Variants in ZFHX3 observed in about 807,000 individuals in gnomAD.
The protein encoded by ZFHX3 is zinc finger homeobox protein 3.
ZFHX3 carries 42 observed loss-of-function variants against 279.1 expected under a neutral mutation model. The ratio of observed to expected loss-of-function variants is 0.15; its 90% CI spans 0.12 to 0.19. The LOEUF (loss-of-function observed/expected upper bound fraction) is 0.19, where lower values mean the gene tolerates loss of function less well. Ranked by LOEUF, ZFHX3 falls within the 10% of genes least tolerant of loss-of-function variation. The pLI, the probability that ZFHX3 is intolerant of heterozygous loss-of-function variation, is 1.00. For synonymous variants in ZFHX3, 2,293 were observed against 1,957.8 expected, an observed-to-expected ratio of 1.17 and a Z score of -4.52; for missense variants, 4,981 against 4,754.0, an observed-to-expected ratio of 1.05 and a Z score of -1.40.
intron 1 of ZFHX3, among the ~76,000 whole-genome samples, chr16:73,728,812 TACAC>T (rs3049676): frequency 0.49 from 70,971 of 145,954 alleles, 17,779 homozygotes; most frequent in East Asian, 0.62. Flanking sequence ...AATAACCCCC[TACAC>T]ACACACACAC....
intron 1 of ZFHX3, among the ~76,000 whole-genome samples, chr16:73,010,790 G>C (rs1411887678): frequency 3.9e-5 from 6 of 152,082 alleles, no homozygotes; most frequent in Admixed American, 3.9e-4. Flanking sequence ...GACCAACATT[G>C]AACATTTTAT....
chr16:73,409,752 C>T (rs930661459), intron 3 of ZFHX3, among the ~76,000 whole-genome samples: 1 of 152,096 alleles, frequency 6.6e-6, no homozygotes, highest in African/African-American at 2.4e-5. Flanking sequence ...AAATGTTGTA[C>T]ATAACACAAT....
intron 2 of ZFHX3, among the ~76,000 whole-genome samples, chr16:73,669,921 G>A (rs2052884648): frequency 6.6e-6 from 1 of 152,140 alleles, no homozygotes; most frequent in African/African-American, 2.4e-5. Flanking sequence ...GTACTTGACT[G>A]TGTCCCTTTA....
intron 3 of ZFHX3, among the ~76,000 whole-genome samples, chr16:72,939,995 G>C (rs1960331096): frequency 6.6e-6 from 1 of 152,154 alleles, no homozygotes; most frequent in Admixed American, 6.5e-5. Context: ...GGCTGGTCTT[G>C]AACTCTCAGG....
chr16:73,300,321 T>G (rs1349155254), intron 4 of ZFHX3, among the ~76,000 whole-genome samples: 1 of 150,540 alleles, frequency 6.6e-6, no homozygotes, highest in African/African-American at 2.4e-5. Context: ...AAAATAAAGA[T>G]TCCATGAGGC....
chr16:73,709,340 G>A (rs1181314148), intron 1 of ZFHX3, among the ~76,000 whole-genome samples: 2 of 88,738 alleles, frequency 2.3e-5, no homozygotes, highest in African/African-American at 7.0e-5. Flanking sequence ...ACTCTAGGCT[G>A]TGTGACAGAG....
chr16:72,922,378 G>A (rs983741262), intron 3 of ZFHX3, among the ~76,000 whole-genome samples: 2 of 152,074 alleles, frequency 1.3e-5, no homozygotes, highest in African/African-American at 4.8e-5. Context: ...CCTTCCCTTT[G>A]GCCTCTGTCA....
At chr16:73,768,615 T>C (rs914253152) in intron 1 of ZFHX3, among the ~76,000 whole-genome samples, 1 of 152,200 alleles carries the variant, frequency 6.6e-6, no homozygotes, top group African/African-American at 2.4e-5. Flanking sequence ...ATAACCTTGT[T>C]CTTGTCTGTA....
chr16:72,789,332 T>G (rs2035599950), intron 9 of ZFHX3: 3 of 154,048 alleles, frequency 1.9e-5, no homozygotes, highest in African/African-American at 7.2e-5. Flanking sequence ...AGTTCACATT[T>G]TCTTTGCCAA....
At chr16:73,248,480 G>A (rs2013374148) in intron 5 of ZFHX3, among the ~76,000 whole-genome samples, 2 of 151,774 alleles carry the variant, frequency 1.3e-5, no homozygotes, top group African/African-American at 4.8e-5. Flanking sequence ...GGTATAATAT[G>A]TATATGTGTC....
intron 1 of ZFHX3, among the ~76,000 whole-genome samples, chr16:73,754,403 G>T (rs954436004): frequency 8.5e-5 from 13 of 152,078 alleles, no homozygotes; most frequent in South Asian, 4.1e-4. Context: ...AGAGAGGTTT[G>T]TACGTTTTAC....
chr16:72,949,643 GGGAAGAGGAGAAGAGACAGA>G (rs1358981323), intron 3 of ZFHX3, among the ~76,000 whole-genome samples: 2 of 151,886 alleles, frequency 1.3e-5, no homozygotes, highest in Non-Finnish European at 2.9e-5. Flanking sequence ...ACAGGAAAGA[GGGAAGAGGAGAAGAGACAGA>G]GGAAGAGGGG....
intron 8 of ZFHX3, among the ~76,000 whole-genome samples, chr16:73,069,080 T>C (rs1003702330): frequency 1.3e-5 from 2 of 152,138 alleles, no homozygotes; most frequent in African/African-American, 2.4e-5. Flanking sequence ...GCTGCCCAAG[T>C]ATGAGTGTGT....
At chr16:73,514,066 G>A (rs886098526) in intron 2 of ZFHX3, among the ~76,000 whole-genome samples, 11 of 152,124 alleles carry the variant, frequency 7.2e-5, no homozygotes, top group East Asian at 1.9e-4. Flanking sequence ...GGCTAACACC[G>A]TGAAACCCTG....
chr16:73,881,893 G>C (rs561435549), intron 1 of ZFHX3, among the ~76,000 whole-genome samples: 1 of 152,108 alleles, frequency 6.6e-6, no homozygotes, highest in South Asian at 2.1e-4. Flanking sequence ...GACCTGCCCC[G>C]CAGCTCCCCT....
At chr16:73,156,854 C>G (rs1370845704) in intron 5 of ZFHX3, among the ~76,000 whole-genome samples, 1 of 152,118 alleles carries the variant, frequency 6.6e-6, no homozygotes, top group African/African-American at 2.4e-5. Context: ...GCTGGGATTA[C>G]AGGCACGTGC....
chr16:73,658,440 T>G lies in ZFHX3; in HGVS notation c.-1547+21740A>C, dbSNP rs556424218. ...GCCTCAGCCTCCCGAGTAGCTGGGA[T>G]TATAGGCATGCGCCACCACACCCAG... On this transcript the variant is annotated intron_variant, in intron 2 of 17. Coordinates refer to the ZFHX3 transcript ENST00000641206. 9.9e-5 allele frequency among the ~76,000 whole-genome samples: 15 copies of G among 152,244 alleles called. No individual in the cohort carries two copies. In the South Asian group the frequency reaches 2.9e-3, roughly 30 times the overall value.
chr16:72,845,801 A>G (rs2037465176), intron 4 of ZFHX3, among the ~76,000 whole-genome samples: 1 of 152,210 alleles, frequency 6.6e-6, no homozygotes, highest in Non-Finnish European at 1.5e-5. Context: ...CAAGTATCTA[A>G]CAATAGCAAC....
intron 3 of ZFHX3, among the ~76,000 whole-genome samples, chr16:73,373,005 C>T (rs1393585521): frequency 8.5e-5 from 13 of 152,124 alleles, no homozygotes; most frequent in Admixed American, 8.5e-4. Flanking sequence ...GTTGCTTTCA[C>T]AGAGTTTAAT....
Sources: allele counts gnomAD v4.1 joint callset (sites outside exome capture counted in the v4.1 genomes callset), GRCh38; gene constraint gnomAD v4.1.1; transcripts MANE v1.5; gene names NCBI Gene and HGNC (gene_info 2026-07-23, HGNC 2026-07-21).